Variants in KLHDC9 observed in about 807,000 individuals in gnomAD.
The protein encoded by KLHDC9 is kelch domain-containing protein 9.
KLHDC9 carries 26 observed loss-of-function variants against 31.5 expected under a neutral mutation model. That is an observed-to-expected ratio of 0.83 (90% CI 0.61 to 1.15). The LOEUF is 1.15. Ranked by LOEUF, KLHDC9 falls within the 50% of genes most tolerant of loss-of-function variation. The pLI, the probability that KLHDC9 is intolerant of heterozygous loss-of-function variation, is 0.00. For synonymous variants in KLHDC9, 176 were observed against 184.7 expected (o/e 0.95, Z 0.38); for missense variants, 437 against 467.7 (o/e 0.93, Z 0.61).
In KLHDC9 at chr1:161,098,853, A is replaced by G. The variant is rs1654429044; in HGVS notation, c.318A>G (p.Thr106=). ...GGGACGGGTCTCGCCGCTTGGCCACAGTGACCGCACTGGACACAGAGCGCG... is the reference window on the plus strand; with the variant it reads ...GGGACGGGTCTCGCCGCTTGGCCACGGTGACCGCACTGGACACAGAGCGCG... The part of the protein sequence containing the change: ...GGWDGSRRLA[T]VTALDTERGV... Residue 106 remains threonine, a synonymous_variant, in exon 1 of 4, where the codon ACA becomes ACG. Transcript: ENST00000368011. The surrounding 1 kb of genome is among the most constrained non-coding windows in gnomAD (Gnocchi z 6.3). 1.9e-6 allele frequency: 3 copies of G among 1,579,732 alleles called. No homozygotes were observed. Among genetic ancestry groups the G allele is most frequent in the Middle Eastern group, 1.7e-4 (1 of 5,982 alleles).
rs201362134 is a variant in KLHDC9, at chr1:161,099,326, G to C, written c.528-20G>C. On this transcript the variant is annotated intron_variant, in intron 1 of 3. Transcript: ENST00000368011. ...TTTTCCAGAAAACCCACTCAGCCCTGAATTTCTGCATGTCCACAGCTACAA... is the reference window on the plus strand; with the variant it reads ...TTTTCCAGAAAACCCACTCAGCCCTCAATTTCTGCATGTCCACAGCTACAA... 31 of 1,614,028 alleles carry C rather than the reference G, an allele frequency of 1.9e-5. No individual in the cohort carries two copies. The Admixed American group carries it at 3.5e-4, about 18-fold the overall frequency.
intron 1 of KLHDC9, 123 bp from the exon 2 acceptor site, chr1:161,099,222 AC>A: frequency 7.7e-7 from 1 of 1,304,944 alleles, no homozygotes; most frequent in Non-Finnish European, 1.1e-6. Flanking sequence ...CTACAGTATT[AC>A]CCTCCCTCTT....
Position 161,098,890 on chromosome 1 carries a change from G to T in KLHDC9, c.355G>T (p.Ala119Ser). Reference protein sequence around the residue: ...ALDTERGVWEAWTGTPGDCPP... With the variant: ...ALDTERGVWESWTGTPGDCPP... ...GGACACAGAGCGCGGTGTGTGGGAGGCGTGGACAGGGACCCCTGGTGACTG... is the reference window on the plus strand; with the variant it reads ...GGACACAGAGCGCGGTGTGTGGGAGTCGTGGACAGGGACCCCTGGTGACTG... The change falls in exon 1 of 4, where the codon GCG becomes TCG. Residue 119 changes from alanine (A) to serine (S), a missense_variant. By Grantham distance (99) the Ala-to-Ser change is moderately conservative (BLOSUM62 1). Transcript: ENST00000368011. The surrounding 1 kb of genome is among the most constrained non-coding windows in gnomAD (Gnocchi z 6.3). 6.4e-7 allele frequency: 1 copy of T among 1,574,432 alleles called. No individual in the cohort carries two copies. Among genetic ancestry groups the T allele is most frequent in the Non-Finnish European group, 8.6e-7 (1 of 1,161,544 alleles).
chr1:161,098,772 C>T lies in KLHDC9; in HGVS notation c.237C>T (p.Arg79=), dbSNP rs139554724. ...TGGGAGCCCGGGGCAGCCCCCCGCG[C>T]AGTCACCACGACGCGGCACCCGTGG... ...VRLGARGSPP[R]SHHDAAPVDG... is the part of the protein sequence containing the mutation. Residue 79 remains arginine (R), a synonymous_variant, in exon 1 of 4, where the codon CGC becomes CGT. Transcript: ENST00000368011. The surrounding 1 kb of genome is among the most constrained non-coding windows in gnomAD (Gnocchi z 6.3). 7.6e-4 allele frequency: 1,210 copies of T among 1,599,104 alleles called. 2 individuals carry two copies. The highest frequency in any genetic ancestry group is 9.8e-4 in the Non-Finnish European group (1,147 of 1,172,744).
chr1:161,098,947 AC>A lies in KLHDC9; in HGVS notation c.415del (p.Arg139GlufsTer28). The A allele has an allele frequency of 6.3e-7, 1 of 1,586,326 alleles. No individual in the cohort carries two copies. The highest frequency in any genetic ancestry group is 8.5e-7 in the Non-Finnish European group (1 of 1,172,560). ...CGCCGGCCTCAGTAGTCACACCTGCACCCGAATCTCTGACCGAGAGCTGCAG... is the reference window on the plus strand; with the variant it reads ...CGCCGGCCTCAGTAGTCACACCTGCACCGAATCTCTGACCGAGAGCTGCAG... Reference protein sequence around the residue: ...PPAGLSSHTCTRISDRELQVA... With the variant: ...PPAGLSSHTCXRISDRELQVA... On this transcript the variant is annotated frameshift_variant, in exon 1 of 4. Transcript: ENST00000368011. LOFTEE classifies it high-confidence loss of function. The surrounding 1 kb of genome is among the most constrained non-coding windows in gnomAD (Gnocchi z 6.3).
In KLHDC9 at chr1:161,098,637, C is replaced by G. The variant is rs575311605; in HGVS notation, c.102C>G (p.Thr34=). Residue 34 remains threonine (T), a synonymous_variant, in exon 1 of 4, where the codon ACC becomes ACG. Transcript: ENST00000368011. This position sits in a 1 kb window ranked among gnomAD's most constrained non-coding sequence, Gnocchi z 6.3. ...TGGCTAGAGCTTTCCATTCATGCAC[C>G]GAACTGCGGGGACGGTTCTATCTCG... is the stretch of plus-strand genomic sequence containing the variant. The part of the protein sequence containing the change: ...ALLARAFHSC[T]ELRGRFYLVG... The G allele has an allele frequency of 1.7e-5, 28 of 1,611,852 alleles. No individual in the cohort carries two copies. Among genetic ancestry groups the G allele is most frequent in the Non-Finnish European group, 2.3e-5 (27 of 1,178,984 alleles).
chr1:161,099,902 GTT>G, intron 3 of KLHDC9, 106 bp downstream of exon 3: 1 of 1,343,366 alleles, frequency 7.4e-7, no homozygotes, highest in East Asian at 2.3e-5. Context: ...GGAAAAATTA[GTT>G]GACAGGAGTT....
chr1:161,099,589 C>T lies in KLHDC9; in HGVS notation c.688-9C>T. ...GGTCTCTTCGGACAGTCCTTTCTTT[C>T]TCCCCAAGGAGGAACCACCTGTTGC... On this transcript the variant is annotated splice_polypyrimidine_tract_variant and intron_variant, in intron 2 of 3. Transcript: ENST00000368011. 1 of 1,614,250 alleles carries T rather than the reference C, an allele frequency of 6.2e-7. No homozygotes were observed. Among genetic ancestry groups the T allele is most frequent in the East Asian group, 2.2e-5 (1 of 44,890 alleles).
chr1:161,099,880 G>A lies in KLHDC9; in HGVS notation c.886+84G>A. 4 of 1,421,046 alleles carry A rather than the reference G, an allele frequency of 2.8e-6. 1 individual carries two copies. The highest frequency in any genetic ancestry group is 3.4e-5 in the Admixed American group (2 of 58,272). 88.0% of individuals were successfully genotyped at this position (1,421,046 alleles called of 1,614,324 possible). ...ACTACAGAAAGAGGATGGAGTGATG[G>A]GGTAGGGAGGAGGAAAAATTAGTTG... On this transcript the variant is annotated intron_variant, in intron 3 of 3. Coordinates refer to ENST00000368011, the MANE Select transcript of KLHDC9 (RefSeq NM_152366.5).
At position 161,099,380 on chromosome 1, in the gene KLHDC9, T is replaced by C. The variant is rs1323800248; in HGVS notation, c.562T>C (p.Ser188Pro). ...AGAAGGCTGCCACACAGCCTCACGC[T>C]CAGGTCACTGTGCGGCCCTGCTCCA... ...KQEGCHTASR[S>P]GHCAALLQTP... Residue 188 changes from serine (S) to proline (P), a missense_variant, in exon 2 of 4, where the codon TCA becomes CCA. Coordinates refer to ENST00000368011, the MANE Select transcript of KLHDC9 (RefSeq NM_152366.5). The C allele has an allele frequency of 6.2e-7, 1 of 1,614,200 alleles. No individual in the cohort carries two copies. The highest frequency in any genetic ancestry group is 2.2e-5 in the East Asian group (1 of 44,888).
chr1:161,099,208 C>A, intron 1 of KLHDC9, 138 bp from the exon 2 acceptor site: 2 of 1,290,108 alleles, frequency 1.6e-6, no homozygotes, highest in Non-Finnish European at 2.2e-6. Context: ...GCTAGCTGAG[C>A]TCTCTACAGT....
At position 161,100,308 on chromosome 1, in the gene KLHDC9, T is replaced by A; in HGVS notation, c.*84T>A. Reference sequence around the variant, plus strand: ...AGCGTTATCACCAGAGCTATCTGCTTCACTTCAAATGCTTATTAAATTTCA... The same window carrying A: ...AGCGTTATCACCAGAGCTATCTGCTACACTTCAAATGCTTATTAAATTTCA... On this transcript the variant is annotated 3_prime_UTR_variant, in exon 4 of 4. Transcript: ENST00000368011. 1 of 1,333,484 alleles carries A rather than the reference T, an allele frequency of 7.5e-7. No homozygotes were observed. Among genetic ancestry groups the A allele is most frequent in the Non-Finnish European group, 1.0e-6 (1 of 963,482 alleles). The allele number at this position is 1,333,484 out of a possible 1,614,324, so 82.6% of individuals were successfully genotyped here.
In KLHDC9 at chr1:161,098,870, CAG is replaced by C. The variant is rs993188113; in HGVS notation, c.338_339del (p.Glu113AlafsTer13). ...TTGGCCACAGTGACCGCACTGGACA[CAG>C]AGCGCGGTGTGTGGGAGGCGTGGAC... is the stretch of plus-strand genomic sequence containing the variant. On this transcript the variant is annotated frameshift_variant, in exon 1 of 4. Coordinates refer to ENST00000368011, the MANE Select transcript of KLHDC9 (RefSeq NM_152366.5). LOFTEE classifies it high-confidence loss of function. This position sits in a 1 kb window ranked among gnomAD's most constrained non-coding sequence, Gnocchi z 6.3. The C allele has an allele frequency of 1.3e-6, 2 of 1,576,904 alleles. No individual in the cohort carries two copies. Among genetic ancestry groups the C allele is most frequent in the Non-Finnish European group, 1.7e-6 (2 of 1,161,906 alleles).
In KLHDC9 at chr1:161,100,312, T is replaced by C; in HGVS notation, c.*88T>C. On this transcript the variant is annotated 3_prime_UTR_variant, in exon 4 of 4. Transcript: ENST00000368011. ...TTATCACCAGAGCTATCTGCTTCAC[T>C]TCAAATGCTTATTAAATTTCAATCT... The C allele has an allele frequency of 7.6e-7, 1 of 1,314,176 alleles. No individual in the cohort carries two copies. 81.4% of individuals were successfully genotyped at this position (1,314,176 alleles called of 1,614,324 possible).
chr1:161,098,528 C>G lies in KLHDC9; in HGVS notation c.-8C>G, dbSNP rs538755467. ...CAGACCCCACCGCCCTCCCTCTCCC[C>G]GGGGCCCATGGCGGTGGCCGTGCCC... is the stretch of plus-strand genomic sequence containing the variant. On this transcript the variant is annotated 5_prime_UTR_variant, in exon 1 of 4. Coordinates refer to ENST00000368011, the MANE Select transcript of KLHDC9 (RefSeq NM_152366.5). The surrounding 1 kb of genome is among the most constrained non-coding windows in gnomAD (Gnocchi z 6.3). 1.3e-6 allele frequency: 2 copies of G among 1,545,082 alleles called. No homozygotes were observed. The highest frequency in any genetic ancestry group is 2.5e-5 in the East Asian group (1 of 40,774).
Position 161,098,902 on chromosome 1 carries a change from A to AC in KLHDC9, c.371dup (p.Gly125TrpfsTer2). The AC allele has an allele frequency of 6.4e-7, 1 of 1,565,210 alleles. No homozygotes were observed. Among genetic ancestry groups the AC allele is most frequent in the South Asian group, 1.2e-5 (1 of 85,900 alleles). On this transcript the variant is annotated frameshift_variant, in exon 1 of 4. Coordinates refer to ENST00000368011, the MANE Select transcript of KLHDC9 (RefSeq NM_152366.5). LOFTEE classifies it high-confidence loss of function. This position sits in a 1 kb window ranked among gnomAD's most constrained non-coding sequence, Gnocchi z 6.3. ...CGGTGTGTGGGAGGCGTGGACAGGG[A>AC]CCCCTGGTGACTGCCCCCCCGCCGG...
rs950627213 is a variant in KLHDC9, at chr1:161,099,910, G to C, written c.886+114G>C. On this transcript the variant is annotated intron_variant, in intron 3 of 3. Coordinates refer to ENST00000368011, the MANE Select transcript of KLHDC9 (RefSeq NM_152366.5). Reference sequence around the variant, plus strand: ...GGGAGGAGGAAAAATTAGTTGACAGGAGTTAAAGGAGTACACAGAATATTA... The same window carrying C: ...GGGAGGAGGAAAAATTAGTTGACAGCAGTTAAAGGAGTACACAGAATATTA... The C allele has an allele frequency of 3.0e-6, 4 of 1,317,054 alleles. No homozygotes were observed. In the African/African-American group the frequency reaches 4.4e-5, roughly 14 times the overall value. The allele number at this position is 1,317,054 out of a possible 1,614,324, so 81.6% of individuals were successfully genotyped here. A position where few individuals can be genotyped will look rare whatever the true frequency, so the allele number is the denominator to read the frequency against.
Position 161,098,589 on chromosome 1 carries a change from G to A in KLHDC9, c.54G>A (p.Arg18=). ...CCGCAGGCTCAGGCTGGGCCTGGAG[G>A]CCAGTGGCGCGGGACGCGCTTTTGG... The part of the protein sequence containing the change: ...GRAAGSGWAW[R]PVARDALLAR... The change falls in exon 1 of 4, where the codon AGG becomes AGA. Residue 18 remains arginine (R), a synonymous_variant. Coordinates refer to ENST00000368011, the MANE Select transcript of KLHDC9 (RefSeq NM_152366.5). The surrounding 1 kb of genome is among the most constrained non-coding windows in gnomAD (Gnocchi z 6.3). 6.3e-7 allele frequency: 1 copy of A among 1,586,358 alleles called. No homozygotes were observed.
Position 161,099,398 on chromosome 1 carries a change from C to T in KLHDC9, c.580C>T (p.Leu194=). 6.2e-7 allele frequency: 1 copy of T among 1,614,264 alleles called. No homozygotes were observed. Among genetic ancestry groups the T allele is most frequent in the East Asian group, 2.2e-5 (1 of 44,892 alleles). The stretch of plus-strand genomic sequence containing the variant: ...CTCACGCTCAGGTCACTGTGCGGCC[C>T]TGCTCCAAACTCCTGGACCCCATCC... ...TASRSGHCAA[L]LQTPGPHPGH... is the part of the protein sequence containing the mutation. The change falls in exon 2 of 4, where the codon CTG becomes TTG. Residue 194 remains leucine (L), a synonymous_variant. Transcript: ENST00000368011.
Sources: gnomAD v4.1 joint callset for allele counts on GRCh38, gnomAD v4.1.1 for gene constraint, Gnocchi (gnomAD v3.1) non-coding constraint, MANE v1.5 for transcripts, NCBI Gene and HGNC (gene_info 2026-07-23, HGNC 2026-07-21) for gene names.